Variants in GDPD5 observed in about 807,000 individuals in gnomAD.
GDPD5 encodes the protein glycerophosphodiester phosphodiesterase domain containing 5, also known as glycerophosphodiester phosphodiesterase 2.
A neutral mutation model predicts 75.1 loss-of-function variants in GDPD5; 48 were observed. That is an observed-to-expected ratio of 0.64 (90% CI 0.51 to 0.81). The LOEUF is 0.81. Among genes scored for constraint, GDPD5 ranks in the 40% least tolerant of loss-of-function variants. The pLI, the probability that GDPD5 is intolerant of heterozygous loss-of-function variation, is 0.00. For missense variants in GDPD5, 706 were observed against 822.6 expected (o/e 0.86, Z 1.73); for synonymous variants, 336 against 339.0 (o/e 0.99, Z 0.10).
chr11:75,471,905 TATC>T (rs1949675306), intron 3 of GDPD5, among the ~76,000 whole-genome samples: 1 of 152,146 alleles, frequency 6.6e-6, no homozygotes, highest in Admixed American at 6.5e-5. Context: ...GATGTAATAA[TATC>T]ATCTCCTAGT....
intron 2 of GDPD5, among the ~76,000 whole-genome samples, chr11:75,478,281 C>T (rs1423776730): frequency 1.3e-5 from 2 of 152,236 alleles, no homozygotes; most frequent in Non-Finnish European, 2.9e-5. Context: ...TCCCAAGTAG[C>T]TGGGATTACA....
chr11:75,442,788 A>G (rs1948860371), intron 11 of GDPD5: 3 of 609,790 alleles, frequency 4.9e-6, no homozygotes, highest in Non-Finnish European at 8.7e-6. Flanking sequence ...AGGACGGAGG[A>G]CGGCTTGCTT....
intron 3 of GDPD5, among the ~76,000 whole-genome samples, chr11:75,475,395 G>A (rs1389702254): frequency 2.0e-5 from 3 of 152,104 alleles, no homozygotes; most frequent in African/African-American, 4.8e-5. Context: ...ACCAGCCCCC[G>A]CAGAGCTTAC....
chr11:75,436,247 C>T (rs895330340), intron 16 of GDPD5, among the ~76,000 whole-genome samples: 2 of 152,144 alleles, frequency 1.3e-5, no homozygotes, highest in Admixed American at 6.5e-5. Flanking sequence ...GAGTGGAGTT[C>T]GGCCATATAG....
chr11:75,469,945 A>C (rs1286952532), intron 3 of GDPD5, among the ~76,000 whole-genome samples: 5 of 152,102 alleles, frequency 3.3e-5, no homozygotes, highest in Non-Finnish European at 7.3e-5. Flanking sequence ...GCCCTTAGAC[A>C]CTCAGAGATA....
rs751246734 is a variant in GDPD5 at position 75,449,056 on chromosome 11, G to T, written c.635C>A (p.Thr212Asn). 1.1e-5 allele frequency: 17 copies of T among 1,608,852 alleles called. No individual in the cohort carries two copies. Among genetic ancestry groups the T allele is most frequent in the Non-Finnish European group, 1.4e-5 (16 of 1,178,480 alleles). The change falls in exon 9 of 17, where the codon ACC (threonine) becomes AAC (asparagine). Residue 212 changes from threonine to asparagine, a missense_variant. Thr to Asn is a moderately conservative substitution (Grantham distance 65, BLOSUM62 0). Transcript: ENST00000336898. ...VVFALYLAPL[T>N]ISSPCIMEKK... ...CTCCATGATGCAGGGAGAGGAGATG[G>T]TGAGAGGGGCCAGGTAGAGGGCAAA...
chr11:75,439,110 C>T (rs772404455), intron 15 of GDPD5, among the ~76,000 whole-genome samples: 5 of 152,172 alleles, frequency 3.3e-5, no homozygotes, highest in Non-Finnish European at 7.4e-5. Context: ...TGGTCCCCAC[C>T]TGCAGAAACG....
In GDPD5 at chr11:75,456,742, C is replaced by G; in HGVS notation, c.375+15G>C. ...TCCCTTGCTCTCTCCCAGCCCCGGC[C>G]GAGGCGGCCCTTACCTTGTGCAGCC... On this transcript the variant is annotated intron_variant, in intron 6 of 16. Transcript: ENST00000336898. The G allele has an allele frequency of 6.2e-7, 1 of 1,613,986 alleles. No individual in the cohort carries two copies. The highest frequency in any genetic ancestry group is 8.5e-7 in the Non-Finnish European group (1 of 1,179,880).
At chr11:75,492,503 T>G (rs1402206916) in intron 1 of GDPD5, 1 of 152,288 alleles carries the variant, frequency 6.6e-6, no homozygotes, top group Non-Finnish European at 1.5e-5. Flanking sequence ...GAAGGGAAGC[T>G]GATTGGGACA....
intron 4 of GDPD5, among the ~76,000 whole-genome samples, chr11:75,460,709 G>A (rs991799721): frequency 3.3e-5 from 5 of 152,026 alleles, no homozygotes; most frequent in African/African-American, 9.7e-5. Flanking sequence ...GCCTCCCAAC[G>A]TGCTGAGATT....
intron 1 of GDPD5, 56 bp downstream of exon 1, chr11:75,525,154 C>A (rs953634889): frequency 6.6e-6 from 1 of 152,424 alleles, no homozygotes; most frequent in Non-Finnish European, 1.5e-5. Context: ...CCGCTGGCCC[C>A]CGCGCTGCCG....
rs1948881514 is a variant in GDPD5 at position 75,443,254 on chromosome 11, G to A, written c.830C>T (p.Thr277Ile). Residue 277 changes from threonine (T) to isoleucine (I), a missense_variant, in exon 11 of 17, where the codon ACC becomes ATC. Transcript: ENST00000336898. ...CACGTTGGTGGTGCGCCGCAGGGTG[G>A]TGTCATGCATGAGGAAGGGCACGCC... ...LDGVPFLMHD[T>I]TLRRTTNVEE... 6.2e-7 allele frequency: 1 copy of A among 1,610,538 alleles called. No individual in the cohort carries two copies. The highest frequency in any genetic ancestry group is 1.1e-5 in the South Asian group (1 of 89,910).
At chr11:75,483,238 AG>A (rs1012750275) in intron 2 of GDPD5, among the ~76,000 whole-genome samples, 2 of 152,106 alleles carry the variant, frequency 1.3e-5, no homozygotes, top group Non-Finnish European at 2.9e-5. Flanking sequence ...CTGATGTCCA[AG>A]GCCCCTCCCC....
chr11:75,455,863 G>A (rs1364984415), intron 6 of GDPD5, among the ~76,000 whole-genome samples: 3 of 152,248 alleles, frequency 2.0e-5, no homozygotes, highest in Non-Finnish European at 4.4e-5. Flanking sequence ...TCCGGAATGG[G>A]TGAAGCCTGT....
rs398115513 is a variant in GDPD5 at position 75,495,284 on chromosome 11, C to CAT, written c.-144-4965_-144-4964insAT. On this transcript the variant is annotated intron_variant, in intron 1 of 16. Coordinates refer to ENST00000336898, the MANE Select transcript of GDPD5 (RefSeq NM_030792.8). ...ACTCTGTCACACACACACACACACACTATATATAAGTCTGAATTTAATTTT... is the reference window on the plus strand; with the variant it reads ...ACTCTGTCACACACACACACACACACATTATATATAAGTCTGAATTTAATTTT... 8.0e-5 allele frequency among the ~76,000 whole-genome samples: 12 copies of CAT among 149,782 alleles called. No individual in the cohort carries two copies. The South Asian group carries it at 2.3e-3, about 29-fold the overall frequency.
chr11:75,466,644 C>A (rs1949522816), intron 3 of GDPD5, among the ~76,000 whole-genome samples: 1 of 152,184 alleles, frequency 6.6e-6, no homozygotes, highest in African/African-American at 2.4e-5. Flanking sequence ...TGCACAGAAG[C>A]TCAGAGAAGG....
At chr11:75,446,627 T>C (rs1248987581) in intron 9 of GDPD5, among the ~76,000 whole-genome samples, 3 of 152,194 alleles carry the variant, frequency 2.0e-5, no homozygotes, top group Non-Finnish European at 4.4e-5. Context: ...CACATCTGCA[T>C]AGGAACAACA....
intron 1 of GDPD5, among the ~76,000 whole-genome samples, chr11:75,496,152 G>GA (rs1384875114): frequency 6.6e-6 from 1 of 152,206 alleles, no homozygotes; most frequent in East Asian, 1.9e-4. Context: ...CTATCCCCCT[G>GA]GAAAGGGAGC....
intron 7 of GDPD5, 88 bp from the exon 8 acceptor site, chr11:75,449,698 C>A: frequency 7.1e-7 from 1 of 1,414,688 alleles, no homozygotes. Context: ...ACCTATGAGG[C>A]AGGCAACCCT....
Sources: allele counts gnomAD v4.1 joint callset (sites outside exome capture counted in the v4.1 genomes callset), GRCh38; gene constraint gnomAD v4.1.1; transcripts MANE v1.5; gene names NCBI Gene and HGNC (gene_info 2026-07-23, HGNC 2026-07-21).